The following PLCB4 variants were observed in gnomAD, a reference collection of about 807,000 sequenced individuals.
PLCB4 encodes phospholipase C beta 4.
Under a neutral mutation model 178.8 loss-of-function variants are expected in PLCB4, and 77 were observed. The observed-to-expected ratio is 0.43, with a 90% confidence interval of 0.36 to 0.52. The LOEUF (loss-of-function observed/expected upper bound fraction) is 0.52, where lower values mean the gene tolerates loss of function less well. Ranked by LOEUF, PLCB4 falls within the 20% of genes least tolerant of loss-of-function variation. PLCB4 has a pLI of 0.00. For synonymous variants in PLCB4, 496 were observed against 490.8 expected, an observed-to-expected ratio of 1.01 and a Z score of -0.14; for missense variants, 1,024 against 1,453.4, an observed-to-expected ratio of 0.70 and a Z score of 4.80.
At chr20:9,164,623 CA>C (rs578214200) in intron 2 of PLCB4, among the ~76,000 whole-genome samples, 55 of 152,230 alleles carry the variant, frequency 3.6e-4, no homozygotes, top group African/African-American at 1.2e-3. Context: ...AGAAAGATTT[CA>C]ATCTTTCAGG....
intron 7 of PLCB4, among the ~76,000 whole-genome samples, chr20:9,345,583 CCAAGT>C (rs1327723211): frequency 6.6e-6 from 1 of 152,124 alleles, no homozygotes; most frequent in Non-Finnish European, 1.5e-5. Context: ...TTATTCTATA[CCAAGT>C]TGAATTTTCC....
At chr20:9,076,552 C>A (rs1366409586) in intron 1 of PLCB4, among the ~76,000 whole-genome samples, 1 of 152,148 alleles carries the variant, frequency 6.6e-6, no homozygotes, top group Admixed American at 6.5e-5. Flanking sequence ...GTTCTCTTGC[C>A]TGCCTCACTG....
chr20:9,119,858 G>C (rs1056152140), intron 2 of PLCB4, among the ~76,000 whole-genome samples: 3 of 152,190 alleles, frequency 2.0e-5, no homozygotes, highest in Non-Finnish European at 1.5e-5. Context: ...CCACGCTGTT[G>C]CCTTAGGCAG....
In PLCB4 at chr20:9,380,100, A is replaced by C; in HGVS notation, c.791A>C (p.Asp264Ala). 6.2e-7 allele frequency: 1 copy of C among 1,600,228 alleles called. No individual in the cohort carries two copies. Among genetic ancestry groups the C allele is most frequent in the South Asian group, 1.1e-5 (1 of 88,546 alleles). Residue 264 changes from aspartate (D) to alanine (A), a missense_variant, in exon 13 of 40, where the codon GAT (aspartate) becomes GCT (alanine). Physicochemically the swap from Asp to Ala is moderately radical, Grantham distance 126. This residue lies in a region of PLCB4 where 37 missense variants were observed against 28.6 expected (regional missense o/e 1.30). Coordinates refer to ENST00000378473, the MANE Select transcript of PLCB4 (RefSeq NM_001377142.1). ...RLNEILFPFY[D>A]AKRAMQIIEM... Reference sequence around the variant, plus strand: ...AATGAAATTTTATTTCCATTTTATGATGCCAAAAGGGCAATGCAGATCATT... The same window carrying C: ...AATGAAATTTTATTTCCATTTTATGCTGCCAAAAGGGCAATGCAGATCATT...
Position 9,473,360 on chromosome 20 carries a change from G to A in PLCB4, c.3490G>A (p.Glu1164Lys), listed in dbSNP as rs760674070. 3 of 1,575,074 alleles carry A rather than the reference G, an allele frequency of 1.9e-6. No individual in the cohort carries two copies. Among genetic ancestry groups the A allele is most frequent in the Non-Finnish European group, 2.6e-6 (3 of 1,152,496 alleles). ...TCTAGAATTCCTAGAGAAACAGAAT[G>A]AGCAGGTATTTTACCTAAAATACGT... ...EHLEFLEKQN[E>K]QLLKSCHAVS... The change falls in exon 38 of 40, where the codon GAG (glutamate) becomes AAG (lysine). Residue 1164 changes from glutamate (E) to lysine (K), a missense_variant. Glu to Lys is a moderately conservative substitution (Grantham distance 56, BLOSUM62 1). Coordinates refer to ENST00000378473, the MANE Select transcript of PLCB4 (RefSeq NM_001377142.1).
At chr20:9,393,445 G>A in intron 17 of PLCB4, 143 bp from the exon 18 acceptor site, 1 of 595,140 alleles carries the variant, frequency 1.7e-6, no homozygotes, top group Admixed American at 3.0e-5. Context: ...GGGTTGGGGA[G>A]TGAAAACAGA....
chr20:9,240,306 G>C (rs2094044469), intron 3 of PLCB4, among the ~76,000 whole-genome samples: 1 of 152,102 alleles, frequency 6.6e-6, no homozygotes, highest in Non-Finnish European at 1.5e-5. Context: ...TGCTTCAAGG[G>C]AGAGAAATGA....
Position 9,477,965 on chromosome 20 carries a change from A to G in PLCB4, c.3533-956A>G, listed in dbSNP as rs530899005. On this transcript the variant is annotated intron_variant, in intron 39 of 39. Transcript: ENST00000378473. ...CAGGGCACTTCAGAATCTTCATCCGATTTATATCTTCATAGGTCCATGTTT... is the reference window on the plus strand; with the variant it reads ...CAGGGCACTTCAGAATCTTCATCCGGTTTATATCTTCATAGGTCCATGTTT... Among the ~76,000 whole-genome samples the G allele has an allele frequency of 9.5e-4, 144 of 152,168 alleles. No homozygotes were observed. The Middle Eastern group carries it at 0.01, about 11-fold the overall frequency.
At chr20:9,343,474 G>A (rs1036796948) in intron 7 of PLCB4, among the ~76,000 whole-genome samples, 1 of 152,144 alleles carries the variant, frequency 6.6e-6, no homozygotes, top group Admixed American at 6.5e-5. Flanking sequence ...TGAAACCTGA[G>A]TTTCTCAGGG....
chr20:9,102,950 A>C (rs1188081026), intron 2 of PLCB4, among the ~76,000 whole-genome samples: 1 of 152,076 alleles, frequency 6.6e-6, no homozygotes, highest in South Asian at 2.1e-4. Context: ...ATGACAATTA[A>C]GTCTAGGACT....
At chr20:9,355,049 T>C (rs190096714) in intron 7 of PLCB4, among the ~76,000 whole-genome samples, 2 of 152,202 alleles carry the variant, frequency 1.3e-5, no homozygotes, top group Non-Finnish European at 2.9e-5. Context: ...CCCAGGCTTC[T>C]GAAATGTCTT....
chr20:9,345,979 C>A (rs566142346), intron 7 of PLCB4, among the ~76,000 whole-genome samples: 1 of 152,164 alleles, frequency 6.6e-6, no homozygotes, highest in African/African-American at 2.4e-5. Flanking sequence ...AAAATTGATT[C>A]TCTATTTAAA....
In PLCB4 at chr20:9,373,182, G is replaced by A. The variant is rs930510589; in HGVS notation, c.744+78G>A. ...TCTCTGGTGTCCTCATTGCATGCCT[G>A]CATCATATGCCCTTATTCGCTTTGC... On this transcript the variant is annotated intron_variant, in intron 12 of 39. Transcript: ENST00000378473. The A allele has an allele frequency of 2.2e-5, 15 of 691,476 alleles. 1 individual carries two copies. The highest frequency in any genetic ancestry group is 2.0e-4 in the African/African-American group (11 of 55,394). The allele number at this position is 691,476 out of a possible 1,614,324, so 42.8% of individuals were successfully genotyped here. A position where few individuals can be genotyped will look rare whatever the true frequency, so the allele number is the denominator to read the frequency against.
Position 9,333,492 on chromosome 20 carries a change from A to G in PLCB4, c.85-3634A>G, listed in dbSNP as rs148305868. ...GAAAAGAGTTTTTATGGTTGTGAAC[A>G]AGAAATAGAAGGAAGAACAGAGAGT... On this transcript the variant is annotated intron_variant, in intron 4 of 39. Coordinates refer to ENST00000378473, the MANE Select transcript of PLCB4 (RefSeq NM_001377142.1). 4.3e-3 allele frequency among the ~76,000 whole-genome samples: 659 copies of G among 152,330 alleles called. 6 individuals are homozygous for G. The highest frequency in any genetic ancestry group is 0.013 in the African/African-American group (545 of 41,572).
chr20:9,169,005 C>A (rs982955334), intron 2 of PLCB4, among the ~76,000 whole-genome samples: 1 of 152,112 alleles, frequency 6.6e-6, no homozygotes, highest in Non-Finnish European at 1.5e-5. Flanking sequence ...GCTACAACCA[C>A]CAAGGGCTCA....
chr20:9,262,801 C>T (rs181004499), intron 3 of PLCB4, among the ~76,000 whole-genome samples: 8 of 152,284 alleles, frequency 5.3e-5, no homozygotes, highest in Admixed American at 1.3e-4. Context: ...ACTGCATCCT[C>T]TTTGCATTGG....
chr20:9,339,367 C>T (rs1011557909), intron 7 of PLCB4, among the ~76,000 whole-genome samples: 3 of 152,080 alleles, frequency 2.0e-5, no homozygotes, highest in Non-Finnish European at 4.4e-5. Flanking sequence ...ACAAGATTCT[C>T]CTTTTCTAAC....
chr20:9,159,166 A>G (rs1568862207), intron 2 of PLCB4, among the ~76,000 whole-genome samples: 1 of 152,118 alleles, frequency 6.6e-6, no homozygotes, highest in East Asian at 1.9e-4. Context: ...TGTATGGGTG[A>G]TTTTTATCCA....
intron 2 of PLCB4, among the ~76,000 whole-genome samples, chr20:9,146,970 A>G (rs753787750): frequency 1.8e-4 from 27 of 152,150 alleles, no homozygotes; most frequent in Non-Finnish European, 1.3e-4. Flanking sequence ...CTTATAAACA[A>G]TGTAAGCTTT....
Sources: gnomAD v4.1 joint callset for allele counts (sites outside exome capture counted in the v4.1 genomes callset) on GRCh38, gnomAD v4.1.1 for gene constraint, gnomAD v4.1.1 regional missense constraint, MANE v1.5 for transcripts, NCBI Gene and HGNC (gene_info 2026-07-23, HGNC 2026-07-21) for gene names.